Variants in RNF157 observed in about 807,000 individuals in gnomAD.
RNF157 encodes the protein E3 ubiquitin ligase RNF157.
RNF157 carries 55 observed loss-of-function variants against 88.3 expected under a neutral mutation model. The ratio of observed to expected loss-of-function variants is 0.62; its 90% confidence interval spans 0.50 to 0.78. The LOEUF (loss-of-function observed/expected upper bound fraction) is 0.78, where lower values mean the gene tolerates loss of function less well. Ranked by LOEUF, RNF157 falls within the 30% of genes least tolerant of loss-of-function variation. The pLI, the probability that RNF157 is intolerant of heterozygous loss-of-function variation, is 0.00. For missense variants in RNF157, 788 were observed against 860.8 expected, an observed-to-expected ratio of 0.92 and a Z score of 1.06; for synonymous variants, 334 against 341.2, an observed-to-expected ratio of 0.98 and a Z score of 0.23.
rs1316450449 is a variant in RNF157, at chr17:76,161,451, A to G, written c.1065+84T>C. 9 of 1,045,002 alleles carry G rather than the reference A, an allele frequency of 8.6e-6. No homozygotes were observed. The highest frequency in any genetic ancestry group is 2.4e-5 in the East Asian group (1 of 42,254). The allele number at this position is 1,045,002 out of a possible 1,614,324, so 64.7% of individuals were successfully genotyped here. ...TGCCCTGGTCTAATTCCTTGCTGCA[A>G]TGCCACGTAGAGAAGCATGAAAAGT... On this transcript the variant is annotated intron_variant, in intron 11 of 18. Transcript: ENST00000269391. This position sits in a 1 kb window ranked among gnomAD's most constrained non-coding sequence, Gnocchi z 4.6.
chr17:76,156,593 G>C, intron 13 of RNF157: 1 of 904,894 alleles, frequency 1.1e-6, no homozygotes, highest in Non-Finnish European at 1.3e-6. Context: ...CTGCAGCTCG[G>C]GTGACACAGG....
chr17:76,185,289 G>A (rs538226886), intron 2 of RNF157, among the ~76,000 whole-genome samples: 2 of 152,284 alleles, frequency 1.3e-5, no homozygotes, highest in South Asian at 4.1e-4. Context: ...ATCATGCTGT[G>A]CTTCTAGAAT....
chr17:76,180,451 C>T (rs1266239064), intron 2 of RNF157, among the ~76,000 whole-genome samples: 1 of 152,112 alleles, frequency 6.6e-6, no homozygotes, highest in African/African-American at 2.4e-5. Flanking sequence ...GGGTAACCTG[C>T]AATTACAGCT....
intron 17 of RNF157, 45 bp from the exon 18 acceptor site, chr17:76,152,510 T>G (rs753815910): frequency 2.6e-6 from 3 of 1,160,764 alleles, no homozygotes. Flanking sequence ...GCTGTGTTTT[T>G]CTCTGCGTTG....
chr17:76,160,299 T>C lies in RNF157; in HGVS notation c.1066-726A>G, dbSNP rs1199340941. ...GCCTTTTTTTCAAATTATGTTCTTG[T>C]TATTAAATTATTAGCTCTTAGATGA... On this transcript the variant is annotated intron_variant, in intron 11 of 18. Transcript: ENST00000269391. The surrounding 1 kb of genome is among the most constrained non-coding windows in gnomAD (Gnocchi z 4.3). Among the ~76,000 whole-genome samples, 2 of 152,162 alleles carry C rather than the reference T, an allele frequency of 1.3e-5. No homozygotes were observed. The highest frequency in any genetic ancestry group is 2.4e-5 in the African/African-American group (1 of 41,432).
chr17:76,218,179 TAAAG>T (rs1463442697), intron 1 of RNF157, among the ~76,000 whole-genome samples: 1 of 152,124 alleles, frequency 6.6e-6, no homozygotes, highest in African/African-American at 2.4e-5. Flanking sequence ...GACTGACCTT[TAAAG>T]AAAGAAAGGC....
At chr17:76,202,128 T>TCACACACACA (rs60491535) in intron 2 of RNF157, among the ~76,000 whole-genome samples, 79 of 134,664 alleles carry the variant, frequency 5.9e-4, no homozygotes, top group Middle Eastern at 3.7e-3. Context: ...TCTCTCTCTC[T>TCACACACACA]CACACACACA....
At chr17:76,150,933 G>C (rs2068665042) in intron 18 of RNF157, among the ~76,000 whole-genome samples, 2 of 152,358 alleles carry the variant, frequency 1.3e-5, no homozygotes, top group African/African-American at 4.8e-5. Context: ...ACCAAGTCTA[G>C]AGAACATACA....
At chr17:76,205,227 C>T (rs2069660956) in intron 2 of RNF157, among the ~76,000 whole-genome samples, 1 of 151,592 alleles carries the variant, frequency 6.6e-6, no homozygotes, top group Non-Finnish European at 1.5e-5. Context: ...CAGCTTTGAC[C>T]TCCTGGGCTC....
intron 2 of RNF157, chr17:76,211,837 GAA>G (rs1007938403): frequency 5.9e-5 from 9 of 152,302 alleles, no homozygotes; most frequent in African/African-American, 2.2e-4. Context: ...ACAAGTGAGA[GAA>G]ATGTATTCTC....
intron 2 of RNF157, 37 bp from the exon 3 acceptor site, chr17:76,173,827 T>C (rs1568038776): frequency 6.5e-7 from 1 of 1,541,558 alleles, no homozygotes; most frequent in Non-Finnish European, 8.9e-7. Flanking sequence ...GTGGTGTGTT[T>C]AAAAAGACCC....
chr17:76,222,919 C>G (rs1426296938), intron 1 of RNF157, among the ~76,000 whole-genome samples: 1 of 150,978 alleles, frequency 6.6e-6, no homozygotes, highest in African/African-American at 2.4e-5. Context: ...GAGACAGAGT[C>G]TCGCTCTGTT....
At chr17:76,207,780 A>G (rs985162998) in intron 2 of RNF157, among the ~76,000 whole-genome samples, 1 of 152,188 alleles carries the variant, frequency 6.6e-6, no homozygotes, top group African/African-American at 2.4e-5. Flanking sequence ...CTACATGTCA[A>G]TCTTCAATCT....
intron 1 of RNF157, chr17:76,226,801 G>A (rs528120889): frequency 1.1e-4 from 165 of 1,551,382 alleles, no homozygotes; most frequent in Middle Eastern, 2.4e-4. Context: ...AGCTCATTTC[G>A]GTCATGTTGC....
chr17:76,161,947 T>C lies in RNF157; in HGVS notation c.848A>G (p.Asp283Gly). Reference sequence around the variant, plus strand: ...GGGCAGAATCAAGGTGTCCCGGACATCCGAGAGACACACCACACACTCGGC... The same window carrying C: ...GGGCAGAATCAAGGTGTCCCGGACACCCGAGAGACACACCACACACTCGGC... ...NSAECVVCLS[D>G]VRDTLILPCR... Residue 283 changes from aspartate to glycine, a missense_variant, in exon 10 of 19, where the codon GAT becomes GGT. By Grantham distance (94) the Asp-to-Gly change is moderately conservative. Coordinates refer to ENST00000269391, the MANE Select transcript of RNF157 (RefSeq NM_052916.3). This position sits in a 1 kb window ranked among gnomAD's most constrained non-coding sequence, Gnocchi z 4.6. The C allele has an allele frequency of 6.2e-7, 1 of 1,614,160 alleles. No homozygotes were observed. The highest frequency in any genetic ancestry group is 8.5e-7 in the Non-Finnish European group (1 of 1,180,038).
chr17:76,171,637 C>T (rs772804725), intron 3 of RNF157, among the ~76,000 whole-genome samples: 2 of 152,216 alleles, frequency 1.3e-5, no homozygotes, highest in Non-Finnish European at 2.9e-5. Flanking sequence ...AAAGAACACC[C>T]TTCAAGTTAA....
At chr17:76,158,295 G>A in intron 13 of RNF157, 98 bp downstream of exon 13, 1 of 806,704 alleles carries the variant, frequency 1.2e-6, no homozygotes. Context: ...CAAGGTGTTT[G>A]ATGAGTGAAT....
intron 2 of RNF157, among the ~76,000 whole-genome samples, chr17:76,196,305 A>C (rs2069476666): frequency 6.6e-6 from 1 of 152,244 alleles, no homozygotes; most frequent in Non-Finnish European, 1.5e-5. Context: ...AGTTCCACTT[A>C]TATAAAGTTC....
rs2068545838 is a variant in RNF157, at chr17:76,143,712, C to A, written c.*1523G>T. ...TCTGCAGCCACACAGAAACGAAGGACCCCCTGGGCACCAGGCTCTTTTTGA... is the reference window on the plus strand; with the variant it reads ...TCTGCAGCCACACAGAAACGAAGGAACCCCTGGGCACCAGGCTCTTTTTGA... On this transcript the variant is annotated 3_prime_UTR_variant, in exon 19 of 19. Transcript: ENST00000269391. 1 of 152,168 alleles carries A rather than the reference C, an allele frequency of 6.6e-6. No individual in the cohort carries two copies. Among genetic ancestry groups the A allele is most frequent in the Admixed American group, 6.5e-5 (1 of 15,276 alleles). 9.4% of individuals were successfully genotyped at this position (152,168 alleles called of 1,614,324 possible). A position where few individuals can be genotyped will look rare whatever the true frequency, so the allele number is the denominator to read the frequency against.
Sources: gnomAD v4.1 joint callset for allele counts (sites outside exome capture counted in the v4.1 genomes callset) on GRCh38, gnomAD v4.1.1 for gene constraint, Gnocchi (gnomAD v3.1) non-coding constraint, MANE v1.5 for transcripts, NCBI Gene and HGNC (gene_info 2026-07-23, HGNC 2026-07-21) for gene names.